The following CRTC3 variants were observed in gnomAD, a reference collection of about 807,000 sequenced individuals.
CRTC3 encodes the protein CREB-regulated transcription coactivator 3.
Under a neutral mutation model 74.5 loss-of-function variants are expected in CRTC3, and 26 were observed. The observed-to-expected ratio is 0.35, with a 90% CI of 0.26 to 0.48. The LOEUF (loss-of-function observed/expected upper bound fraction) is 0.48, where lower values mean the gene tolerates loss of function less well. Among genes scored for constraint, CRTC3 ranks in the 20% least tolerant of loss-of-function variants. The pLI, the probability that CRTC3 is intolerant of heterozygous loss-of-function variation, is 0.99. For synonymous variants in CRTC3, 377 were observed against 325.8 expected, an observed-to-expected ratio of 1.16 and a Z score of -1.69; for missense variants, 760 against 787.3, an observed-to-expected ratio of 0.97 and a Z score of 0.41.
intron 2 of CRTC3, among the ~76,000 whole-genome samples, chr15:90,579,031 A>G (rs1266373898): frequency 6.6e-6 from 1 of 152,142 alleles, no homozygotes; most frequent in African/African-American, 2.4e-5. Flanking sequence ...GGTTTTGCAT[A>G]TGTAGATTCA....
Position 90,644,051 on chromosome 15 carries a change from C to T in CRTC3, c.*1911C>T, listed in dbSNP as rs1057374926. 6.0e-5 allele frequency: 14 copies of T among 231,682 alleles called. No individual in the cohort carries two copies. Among genetic ancestry groups the T allele is most frequent in the African/African-American group, 3.1e-4 (14 of 45,364 alleles). The allele number at this position is 231,682 out of a possible 1,614,324, so 14.4% of individuals were successfully genotyped here. A position where few individuals can be genotyped will look rare whatever the true frequency, so the allele number is the denominator to read the frequency against. On this transcript the variant is annotated 3_prime_UTR_variant, in exon 15 of 15. Transcript: ENST00000268184. ...CCTCATGGGGTGCCCCTCCACCTTC[C>T]TCTGGAATCCAAGTATTCCTGTTTC...
intron 13 of CRTC3, among the ~76,000 whole-genome samples, chr15:90,640,159 C>T (rs1969388089): frequency 6.6e-6 from 1 of 152,152 alleles, no homozygotes; most frequent in Non-Finnish European, 1.5e-5. Flanking sequence ...CTCCCTGTTT[C>T]CCAAAGAGCC....
intron 3 of CRTC3, among the ~76,000 whole-genome samples, chr15:90,597,413 G>A (rs1283973722): frequency 1.3e-5 from 2 of 152,344 alleles, no homozygotes; most frequent in Non-Finnish European, 2.9e-5. Flanking sequence ...GTTCACCAGC[G>A]TGAAGGGTCG....
Position 90,641,197 on chromosome 15 carries a change from C to G in CRTC3, c.1649C>G (p.Pro550Arg). 6.2e-7 allele frequency: 1 copy of G among 1,605,008 alleles called. No individual in the cohort carries two copies. Among genetic ancestry groups the G allele is most frequent in the Non-Finnish European group, 8.5e-7 (1 of 1,172,076 alleles). ...NCGSLPNTIL[P>R]EDSSTSLFKD... Reference sequence around the variant, plus strand: ...GGGAGTCTCCCGAACACCATCCTGCCAGGTGAGCGAGCTATCCCTCAGCTT... The same window carrying G: ...GGGAGTCTCCCGAACACCATCCTGCGAGGTGAGCGAGCTATCCCTCAGCTT... The change falls in exon 14 of 15, where the codon CCA (proline) becomes CGA (arginine). Residue 550 changes from proline (P) to arginine (R), a missense_variant and splice_region_variant. Around this residue, in one of 2 missense-constraint regions of CRTC3, gnomAD observed 652 missense variants for 635.2 expected, o/e 1.03. Coordinates refer to ENST00000268184, the MANE Select transcript of CRTC3 (RefSeq NM_022769.5).
At chr15:90,604,190 A>G in intron 4 of CRTC3, 195 bp from the exon 5 acceptor site, 2 of 549,826 alleles carry the variant, frequency 3.6e-6, no homozygotes, top group Non-Finnish European at 6.7e-6. Flanking sequence ...CAGAGATCAC[A>G]GGACTGGAAG....
chr15:90,599,529 C>T (rs1298196921), intron 3 of CRTC3: 1 of 152,162 alleles, frequency 6.6e-6, no homozygotes, highest in Admixed American at 6.5e-5. Context: ...TCTAGATTTT[C>T]CTTGCATTAA....
intron 2 of CRTC3, among the ~76,000 whole-genome samples, chr15:90,557,498 C>G (rs879275151): frequency 1.3e-5 from 2 of 152,200 alleles, no homozygotes; most frequent in African/African-American, 2.4e-5. Context: ...ACTAAGGTCT[C>G]AGACACGTAC....
intron 6 of CRTC3, among the ~76,000 whole-genome samples, chr15:90,613,105 C>CGGGGGAATCGCTTGAA (rs1555451732): frequency 1.3e-5 from 1 of 78,848 alleles, no homozygotes; most frequent in African/African-American, 8.1e-5. Flanking sequence ...GAGGCTGAGG[C>CGGGGGAATCGCTTGAA]CCAGGAGGTG....
intron 2 of CRTC3, among the ~76,000 whole-genome samples, chr15:90,579,618 G>A (rs1967487302): frequency 6.7e-6 from 1 of 149,558 alleles, no homozygotes; most frequent in Admixed American, 6.6e-5. Context: ...TGATTACATG[G>A]AGTAAACGTA....
intron 8 of CRTC3, among the ~76,000 whole-genome samples, chr15:90,619,170 A>G (rs144388229): frequency 1.3e-4 from 20 of 152,300 alleles, no homozygotes; most frequent in Admixed American, 4.6e-4. Flanking sequence ...TAAAAGCTCT[A>G]TGTCGTCCAG....
At chr15:90,637,647 G>A (rs978157700) in intron 11 of CRTC3, among the ~76,000 whole-genome samples, 2 of 152,112 alleles carry the variant, frequency 1.3e-5, no homozygotes, top group African/African-American at 4.8e-5. Context: ...TTATTATCTC[G>A]AAAGTAGAAC....
At chr15:90,548,760 T>C (rs952794342) in intron 2 of CRTC3, among the ~76,000 whole-genome samples, 2 of 152,240 alleles carry the variant, frequency 1.3e-5, no homozygotes, top group Non-Finnish European at 2.9e-5. Context: ...ATATGACTTT[T>C]ATGTGATAAA....
chr15:90,601,025 C>T (rs1244070286), intron 3 of CRTC3, among the ~76,000 whole-genome samples: 1 of 152,162 alleles, frequency 6.6e-6, no homozygotes, highest in Non-Finnish European at 1.5e-5. Context: ...CCATTGTCCC[C>T]AAATTGTGGA....
rs1394054837 is a variant in CRTC3, at chr15:90,630,863, C to T, written c.1266+1331C>T. Among the ~76,000 whole-genome samples the T allele has an allele frequency of 1.3e-3, 74 of 56,638 alleles. 21 individuals are homozygous for T. Among genetic ancestry groups the T allele is most frequent in the African/African-American group, 3.1e-3 (67 of 21,670 alleles). 37.2% of individuals were successfully genotyped at this position (56,638 alleles called of 152,430 possible). On this transcript the variant is annotated intron_variant, in intron 11 of 14. Transcript: ENST00000268184. The stretch of plus-strand genomic sequence containing the variant: ...CGCAATCTCGGCTCACTGCAAGCTC[C>T]GCTTCCCGGGTTCACGCCATTCTCC...
chr15:90,592,668 C>T (rs1162216901), intron 2 of CRTC3, among the ~76,000 whole-genome samples: 2 of 152,190 alleles, frequency 1.3e-5, no homozygotes, highest in East Asian at 3.8e-4. Context: ...ATGTTTTCCA[C>T]TTGTATTTAC....
At chr15:90,634,786 G>A (rs1969172473) in intron 11 of CRTC3, 3 of 1,257,830 alleles carry the variant, frequency 2.4e-6, no homozygotes, top group Non-Finnish European at 3.5e-6. Flanking sequence ...GTTGGAAGGA[G>A]CGCTGCTAAA....
intron 2 of CRTC3, among the ~76,000 whole-genome samples, chr15:90,576,397 G>T (rs549118261): frequency 6.6e-6 from 1 of 152,032 alleles, no homozygotes; most frequent in East Asian, 1.9e-4. Flanking sequence ...CATTCCCAGC[G>T]ATTTGAAACA....
intron 2 of CRTC3, among the ~76,000 whole-genome samples, chr15:90,587,674 C>G (rs1967697026): frequency 6.6e-6 from 1 of 152,132 alleles, no homozygotes; most frequent in Non-Finnish European, 1.5e-5. Flanking sequence ...AGTGTAGTGG[C>G]AGGATCTCAG....
In CRTC3 at chr15:90,628,736, G is replaced by A. The variant is rs74347410; in HGVS notation, c.968-498G>A. On this transcript the variant is annotated intron_variant, in intron 10 of 14. Coordinates refer to ENST00000268184, the MANE Select transcript of CRTC3 (RefSeq NM_022769.5). Reference sequence around the variant, plus strand: ...GAGATACAGGGAAGTGTCCCTTCCTGTGACTCCCTAGTGTGCTAAGGGTAA... The same window carrying A: ...GAGATACAGGGAAGTGTCCCTTCCTATGACTCCCTAGTGTGCTAAGGGTAA... 9.8e-3 allele frequency among the ~76,000 whole-genome samples: 1,489 copies of A among 152,214 alleles called. 17 individuals are homozygous for A. Among genetic ancestry groups the A allele is most frequent in the African/African-American group, 0.033 (1,352 of 41,528 alleles).
Sources: gnomAD v4.1 joint callset for allele counts (sites outside exome capture counted in the v4.1 genomes callset) on GRCh38, gnomAD v4.1.1 for gene constraint, gnomAD v4.1.1 regional missense constraint, MANE v1.5 for transcripts, NCBI Gene and HGNC (gene_info 2026-07-23, HGNC 2026-07-21) for gene names.